The following P4HA3 variants were observed in gnomAD, a reference collection of about 807,000 sequenced individuals.
P4HA3 encodes the protein prolyl 4-hydroxylase subunit alpha 3.
A neutral mutation model predicts 66.7 loss-of-function variants in P4HA3; 60 were observed. The ratio of observed to expected loss-of-function variants is 0.90; its 90% CI spans 0.73 to 1.12. The LOEUF (loss-of-function observed/expected upper bound fraction) is 1.12, where lower values mean the gene tolerates loss of function less well. Among genes scored for constraint, P4HA3 ranks in the 50% most tolerant of loss-of-function variants. P4HA3 has a pLI of 0.00. For missense variants in P4HA3, 683 were observed against 685.8 expected (o/e 1.00, Z 0.05); for synonymous variants, 263 against 274.6 (o/e 0.96, Z 0.42).
chr11:74,270,633 C>G (rs1259871185), intron 10 of P4HA3, among the ~76,000 whole-genome samples: 1 of 152,146 alleles, frequency 6.6e-6, no homozygotes, highest in Non-Finnish European at 1.5e-5. Flanking sequence ...TCAGAACAAT[C>G]CTAGGAGTTA....
intron 15 of P4HA3, chr11:74,253,378 G>C: frequency 9.1e-7 from 1 of 1,094,072 alleles, no homozygotes; most frequent in Admixed American, 2.0e-5. Flanking sequence ...AAATGGGTCA[G>C]ATTTGCCAGG....
intron 1 of P4HA3, among the ~76,000 whole-genome samples, chr11:74,310,419 A>G (rs1050014683): frequency 4.6e-5 from 7 of 152,224 alleles, no homozygotes; most frequent in African/African-American, 1.7e-4. Flanking sequence ...TTCTGCATCA[A>G]GTATGTTTTT....
chr11:74,277,295 TA>T (rs759871294), intron 8 of P4HA3, 151 bp from the exon 9 acceptor site: 51 of 1,015,788 alleles, frequency 5.0e-5, no homozygotes, highest in Non-Finnish European at 7.0e-5. Flanking sequence ...AAGACAGACA[TA>T]AATGCCTAAT....
intron 1 of P4HA3, among the ~76,000 whole-genome samples, chr11:74,309,293 G>A (rs561837344): frequency 6.6e-6 from 1 of 152,188 alleles, no homozygotes; most frequent in Non-Finnish European, 1.5e-5. Flanking sequence ...GTGTGTGAGA[G>A]AGAATCAGAT....
At chr11:74,284,513 CTAATCATGATTGTAATTTAATT>C (rs1247202584) in intron 7 of P4HA3, among the ~76,000 whole-genome samples, 6 of 152,178 alleles carry the variant, frequency 3.9e-5, no homozygotes, top group Admixed American at 6.5e-5. Flanking sequence ...AAAATTTAAT[CTAATCATGATTGTAATTTAATT>C]TAATCATGAT....
chr11:74,251,925 T>G (rs369536771), intron 15 of P4HA3: 10 of 746,504 alleles, frequency 1.3e-5, no homozygotes, highest in Non-Finnish European at 2.2e-5. Context: ...GGGTTGATGC[T>G]GAGGCTGTGA....
At chr11:74,252,682 A>C in intron 15 of P4HA3, 1 of 360,526 alleles carries the variant, frequency 2.8e-6, no homozygotes, top group Non-Finnish European at 5.6e-6. Context: ...TAACAGTAGT[A>C]CCCCTCCCAC....
rs574133277 is a variant in P4HA3, at chr11:74,281,798, G to C, written c.1111-2346C>G. ...TAGATGACGAGTTAGTGGGTGCAGC[G>C]CACCAGCATGGCACATGTATACGTA... On this transcript the variant is annotated intron_variant, in intron 7 of 12. Coordinates refer to ENST00000331597, the MANE Select transcript of P4HA3 (RefSeq NM_182904.5). 7.3e-5 allele frequency among the ~76,000 whole-genome samples: 11 copies of C among 151,354 alleles called. No homozygotes were observed. In the East Asian group the frequency reaches 2.1e-3, roughly 29 times the overall value.
At chr11:74,263,718 T>C (rs1196151256), downstream of P4HA3, among the ~76,000 whole-genome samples, 4 of 152,290 alleles carry the variant, frequency 2.6e-5, no homozygotes, top group East Asian at 5.8e-4. Flanking sequence ...GATAATAGAC[T>C]TTAATGTAAA....
At chr11:74,303,611 C>T (rs1179199274) in intron 2 of P4HA3, among the ~76,000 whole-genome samples, 10 of 148,624 alleles carry the variant, frequency 6.7e-5, no homozygotes, top group African/African-American at 1.0e-4. Context: ...GACAAAGTCT[C>T]GCTCTGTCAC....
At chr11:74,253,749 C>A in intron 15 of P4HA3, 2 of 598,824 alleles carry the variant, frequency 3.3e-6, no homozygotes, top group Non-Finnish European at 5.9e-6. Flanking sequence ...CTTTCCCTTC[C>A]CTGTACTGGG....
exon 15 of P4HA3, chr11:74,260,016 A>G (rs1591080306): frequency 6.6e-6 from 1 of 152,262 alleles, no homozygotes; most frequent in Non-Finnish European, 1.5e-5. Flanking sequence ...ACCATTTCAC[A>G]TTCCCACCAG....
At chr11:74,288,410 T>A (rs1860876086) in intron 5 of P4HA3, among the ~76,000 whole-genome samples, 1 of 152,196 alleles carries the variant, frequency 6.6e-6, no homozygotes, top group South Asian at 2.1e-4. Context: ...ACTGATTTCA[T>A]TCATTCTTGG....
Position 74,269,668 on chromosome 11 carries a change from C to G in P4HA3, c.1451G>C (p.Ser484Thr), listed in dbSNP as rs1300156624. ...CCCACTCACCCTAACCACAGGCACGCTGAGGTTGGCATAGATGAAGGCTGT... is the reference window on the plus strand; with the variant it reads ...CCCACTCACCCTAACCACAGGCACGGTGAGGTTGGCATAGATGAAGGCTGT... ...GATAFIYANL[S>T]VPVVRNAALF... is the part of the protein sequence containing the mutation. The change falls in exon 11 of 13, where the codon AGC (serine) becomes ACC (threonine). Residue 484 changes from serine (S) to threonine (T), a missense_variant. Ser to Thr is a moderately conservative substitution (Grantham distance 58). Coordinates refer to ENST00000331597, the MANE Select transcript of P4HA3 (RefSeq NM_182904.5). 8 of 1,613,850 alleles carry G rather than the reference C, an allele frequency of 5.0e-6. No individual in the cohort carries two copies. In the East Asian group the frequency reaches 1.8e-4, roughly 36 times the overall value.
At chr11:74,281,241 T>C (rs1433622872) in intron 7 of P4HA3, among the ~76,000 whole-genome samples, 1 of 150,722 alleles carries the variant, frequency 6.6e-6, no homozygotes, top group Non-Finnish European at 1.5e-5. Context: ...CTGGAGAGGA[T>C]GTGGAGAAAT....
At chr11:74,297,412 A>G (rs551348272) in intron 4 of P4HA3, among the ~76,000 whole-genome samples, 75 of 152,150 alleles carry the variant, frequency 4.9e-4, no homozygotes, top group African/African-American at 1.8e-3. Flanking sequence ...TGGGGAAAGG[A>G]AAAAAAAGGT....
At chr11:74,252,256 T>G (rs1027900348) in intron 15 of P4HA3, among the ~76,000 whole-genome samples, 8 of 150,836 alleles carry the variant, frequency 5.3e-5, no homozygotes, top group Admixed American at 1.3e-4. Flanking sequence ...TTTTTGTTTT[T>G]TTTTTTTTTT....
chr11:74,290,814 T>C (rs1186978561), intron 4 of P4HA3, among the ~76,000 whole-genome samples: 1 of 152,236 alleles, frequency 6.6e-6, no homozygotes, highest in Non-Finnish European at 1.5e-5. Context: ...ATCTCTGTTT[T>C]GGTACCAGTA....
At chr11:74,278,461 G>C (rs968748427) in intron 8 of P4HA3, among the ~76,000 whole-genome samples, 2 of 152,188 alleles carry the variant, frequency 1.3e-5, no homozygotes, top group African/African-American at 4.8e-5. Flanking sequence ...GTTCCCTGGT[G>C]ACCTTTGGGA....
Sources: gnomAD v4.1 joint callset for allele counts (sites outside exome capture counted in the v4.1 genomes callset) on GRCh38, gnomAD v4.1.1 for gene constraint, MANE v1.5 for transcripts, NCBI Gene and HGNC (gene_info 2026-07-23, HGNC 2026-07-21) for gene names.